CACNA1C: variants seen among roughly 807,000 people sequenced by gnomAD.
CACNA1C encodes the protein calcium voltage-gated channel subunit alpha1 C, also known as voltage-dependent L-type calcium channel subunit alpha-1C.
Under a neutral mutation model 229.0 loss-of-function variants are expected in CACNA1C, and 30 were observed. The ratio of observed to expected loss-of-function variants is 0.13; its 90% CI spans 0.10 to 0.18. The LOEUF (loss-of-function observed/expected upper bound fraction) is 0.18. Ranked by LOEUF, CACNA1C falls within the 10% of genes least tolerant of loss-of-function variation. The pLI is 1.00. For synonymous variants in CACNA1C, 1,114 were observed against 1,132.5 expected (o/e 0.98, Z 0.33); for missense variants, 1,658 against 2,845.0 (o/e 0.58, Z 9.49).
intron 7 of CACNA1C, among the ~76,000 whole-genome samples, chr12:2,496,597 C>T (rs1014674467): frequency 3.3e-5 from 5 of 151,324 alleles, no homozygotes; most frequent in East Asian, 1.9e-4. Context: ...CTCTAACATC[C>T]GTTATTGCAT....
chr12:2,290,906 A>G (rs2093425588), intron 3 of CACNA1C, among the ~76,000 whole-genome samples: 1 of 152,232 alleles, frequency 6.6e-6, no homozygotes, highest in African/African-American at 2.4e-5. Flanking sequence ...CTGCTCTAAA[A>G]TAGCCCTTCT....
chr12:2,438,081 G>T (rs1468965067), intron 3 of CACNA1C, among the ~76,000 whole-genome samples: 1 of 150,984 alleles, frequency 6.6e-6, no homozygotes, highest in Non-Finnish European at 1.5e-5. Flanking sequence ...AGTGATGGTG[G>T]TAATGGTGGT....
chr12:2,255,619 G>C (rs1369929633), intron 3 of CACNA1C, among the ~76,000 whole-genome samples: 1 of 152,210 alleles, frequency 6.6e-6, no homozygotes, highest in Admixed American at 6.5e-5. Context: ...ACAGTAAGCT[G>C]GTGGCCTTCA....
intron 29 of CACNA1C, among the ~76,000 whole-genome samples, chr12:2,617,730 A>G (rs1315290887): frequency 2.0e-5 from 3 of 152,194 alleles, no homozygotes; most frequent in Non-Finnish European, 4.4e-5. Flanking sequence ...GGTCATCACC[A>G]GCTGCCTTGT....
intron 1 of CACNA1C, among the ~76,000 whole-genome samples, chr12:2,102,076 G>A (rs949635449): frequency 3.9e-5 from 6 of 152,152 alleles, no homozygotes; most frequent in African/African-American, 1.2e-4. Context: ...CAAAACAAAG[G>A]CTCATGCTTC....
intron 9 of CACNA1C, among the ~76,000 whole-genome samples, chr12:2,515,221 G>C (rs1383660626): frequency 6.6e-6 from 1 of 152,206 alleles, no homozygotes; most frequent in Non-Finnish European, 1.5e-5. Context: ...TAGAGAGTAA[G>C]ATAGACACAT....
chr12:2,478,798 C>T (rs146266036), intron 5 of CACNA1C, among the ~76,000 whole-genome samples: 2 of 152,282 alleles, frequency 1.3e-5, no homozygotes, highest in Admixed American at 6.5e-5. Context: ...ACTGCACTCT[C>T]CTCCTTCTCC....
chr12:2,460,541 A>C (rs2099493308), intron 5 of CACNA1C, among the ~76,000 whole-genome samples: 1 of 152,204 alleles, frequency 6.6e-6, no homozygotes. Context: ...CTTGGTTTCC[A>C]CTACAGAGGA....
chr12:2,190,414 T>C (rs1177934079), intron 3 of CACNA1C, among the ~76,000 whole-genome samples: 1 of 152,166 alleles, frequency 6.6e-6, no homozygotes, highest in Non-Finnish European at 1.5e-5. Context: ...TTATCTAGCA[T>C]TGGGTCTGGT....
Position 2,438,337 on chromosome 12 carries a change from GATA to G in CACNA1C, c.478-10636_478-10634del, listed in dbSNP as rs1360882246. ...TTGTGGTGATGGTGGGGATGGTGAT[GATA>G]ATGATGATGGTGGTGGTAATGATGG... On this transcript the variant is annotated intron_variant, in intron 3 of 46. Coordinates refer to ENST00000399655, the MANE Select transcript of CACNA1C (RefSeq NM_000719.7). Among the ~76,000 whole-genome samples, 51 of 146,996 alleles carry G rather than the reference GATA, an allele frequency of 3.5e-4. No homozygotes were observed. The South Asian group carries it at 4.4e-3, about 13-fold the overall frequency.
Position 2,067,141 on chromosome 12 carries a change from G to T in CACNA1C, c.49+13530G>T, listed in dbSNP as rs2059548385. ...CTGCTGACTAGGTCTGGGGGCAAAGGGTTCTAGCTCTGTAGGAGGCGTGCC... is the reference window on the plus strand; with the variant it reads ...CTGCTGACTAGGTCTGGGGGCAAAGTGTTCTAGCTCTGTAGGAGGCGTGCC... On this transcript the variant is annotated intron_variant, in intron 1 of 46. Coordinates refer to ENST00000399655, the MANE Select transcript of CACNA1C (RefSeq NM_000719.7). This position sits in a 1 kb window ranked among gnomAD's most constrained non-coding sequence, Gnocchi z 5.3. Among the ~76,000 whole-genome samples, 2 of 152,124 alleles carry T rather than the reference G, an allele frequency of 1.3e-5. No individual in the cohort carries two copies. Among genetic ancestry groups the T allele is most frequent in the Admixed American group, 1.3e-4 (2 of 15,276 alleles).
intron 3 of CACNA1C, among the ~76,000 whole-genome samples, chr12:2,324,313 C>T (rs1223102395): frequency 2.0e-5 from 3 of 152,222 alleles, no homozygotes; most frequent in African/African-American, 7.2e-5. Context: ...GTGTTCATTT[C>T]TCGATTCATT....
rs76691122 is a variant in CACNA1C at position 2,137,884 on chromosome 12, G to A, written c.477+17454G>A. ...GGCAGGGCTGCCGGGGTCCGGGAGC[G>A]CCAGGCCAGTGGACCCTGTCTTTGT... On this transcript the variant is annotated intron_variant, in intron 3 of 46. Transcript: ENST00000399655. 3.4e-4 allele frequency among the ~76,000 whole-genome samples: 52 copies of A among 151,432 alleles called. 2 individuals carry two copies. Among genetic ancestry groups the A allele is most frequent in the Admixed American group, 1.3e-3 (20 of 15,140 alleles).
At chr12:2,350,463 G>T (rs2097172620) in intron 3 of CACNA1C, among the ~76,000 whole-genome samples, 1 of 152,230 alleles carries the variant, frequency 6.6e-6, no homozygotes, top group Non-Finnish European at 1.5e-5. Context: ...CAGCCAGACA[G>T]TCTGGCTCCA....
At chr12:2,495,167 A>G (rs1257848487) in intron 7 of CACNA1C, among the ~76,000 whole-genome samples, 1 of 152,262 alleles carries the variant, frequency 6.6e-6, no homozygotes, top group East Asian at 1.9e-4. Context: ...AATAATTTGT[A>G]AGACAGAAGG....
At chr12:2,321,187 G>A (rs1015440178) in intron 3 of CACNA1C, among the ~76,000 whole-genome samples, 1 of 152,132 alleles carries the variant, frequency 6.6e-6, no homozygotes, top group African/African-American at 2.4e-5. Context: ...CCTGTCCAGG[G>A]GAGGGGCTTT....
Position 2,372,618 on chromosome 12 carries a change from G to A in CACNA1C, c.478-76358G>A, listed in dbSNP as rs146360561. On this transcript the variant is annotated intron_variant, in intron 3 of 46. Coordinates refer to ENST00000399655, the MANE Select transcript of CACNA1C (RefSeq NM_000719.7). ...CAAAATAATAATAATAAATAAATCCGCATTCCCTTTTTTTTTTTGGCAACC... is the reference window on the plus strand; with the variant it reads ...CAAAATAATAATAATAAATAAATCCACATTCCCTTTTTTTTTTTGGCAACC... Among the ~76,000 whole-genome samples the A allele has an allele frequency of 3.1e-3, 461 of 150,652 alleles. 1 individual carries two copies. The highest frequency in any genetic ancestry group is 0.011 in the African/African-American group (442 of 41,018).
chr12:2,019,107 A>G (rs574662244), intron 1 of CACNA1C, among the ~76,000 whole-genome samples: 2 of 152,046 alleles, frequency 1.3e-5, no homozygotes, highest in Non-Finnish European at 2.9e-5. Flanking sequence ...CGGTGAGTCT[A>G]TGGTTTGATA....
rs758166168 is a variant in CACNA1C at position 2,686,202 on chromosome 12, G to T, written c.5717G>T (p.Arg1906Leu). The change falls in exon 45 of 47, where the codon CGA (arginine) becomes CTA (leucine). Residue 1906 changes from arginine (R) to leucine (L), a missense_variant. By Grantham distance (102) the Arg-to-Leu change is moderately radical. Around this residue, in one of 20 missense-constraint regions of CACNA1C, gnomAD observed 590 missense variants for 700.8 expected, o/e 0.84. Transcript: ENST00000399655. ...RASFHLECLKRQKDRGGDISQ... is the reference protein window; with the variant it reads ...RASFHLECLKLQKDRGGDISQ... Reference sequence around the variant, plus strand: ...TCCTTCCACCTGGAATGTCTGAAGCGACAGAAGGACCGAGGGGGAGACATC... The same window carrying T: ...TCCTTCCACCTGGAATGTCTGAAGCTACAGAAGGACCGAGGGGGAGACATC... The T allele has an allele frequency of 3.1e-6, 5 of 1,613,930 alleles. No individual in the cohort carries two copies. Among genetic ancestry groups the T allele is most frequent in the Admixed American group, 3.3e-5 (2 of 60,034 alleles).
Sources: allele counts gnomAD v4.1 joint callset (sites outside exome capture counted in the v4.1 genomes callset), GRCh38; gene constraint gnomAD v4.1.1; regional missense constraint gnomAD v4.1.1; non-coding constraint Gnocchi (gnomAD v3.1); transcripts MANE v1.5; gene names NCBI Gene and HGNC (gene_info 2026-07-23, HGNC 2026-07-21).